Variants in ESRRG observed in about 807,000 individuals in gnomAD.
ESRRG encodes the protein estrogen related receptor gamma.
ESRRG carries 13 observed loss-of-function variants against 44.0 expected under a neutral mutation model. The observed-to-expected ratio is 0.30, with a 90% CI of 0.19 to 0.47. The LOEUF (loss-of-function observed/expected upper bound fraction) is 0.47. Ranked by LOEUF, ESRRG falls within the 20% of genes least tolerant of loss-of-function variation. ESRRG has a pLI of 1.00. For synonymous variants in ESRRG, 215 were observed against 214.6 expected (o/e 1.00, Z -0.02); for missense variants, 395 against 580.6 (o/e 0.68, Z 3.29).
intron 1 of ESRRG, among the ~76,000 whole-genome samples, chr1:217,002,615 C>T (rs549852195): frequency 1.3e-5 from 2 of 152,148 alleles, no homozygotes; most frequent in South Asian, 2.1e-4. Flanking sequence ...ATGACCAATA[C>T]AATATGGCAG....
chr1:216,655,945 T>TA (rs2070405159), intron 2 of ESRRG, among the ~76,000 whole-genome samples: 1 of 152,280 alleles, frequency 6.6e-6, no homozygotes, highest in Admixed American at 6.5e-5. Flanking sequence ...CATTTTATCC[T>TA]AAAAATGTGC....
At chr1:216,912,187 AGAGGAGAGGAGAGGAGAGGAGAGGAGAGG>A (rs1560083533) in intron 2 of ESRRG, among the ~76,000 whole-genome samples, 206 of 9,320 alleles carry the variant, frequency 0.022, 14 homozygotes, top group Middle Eastern at 0.091. Context: ...AAAGAAAAGG[AGAGGAGAGGAGAGGAGAGGAGAGGAGAGG>A]AGAGGAGAGG....
chr1:216,514,710 C>T (rs911268798), intron 6 of ESRRG, among the ~76,000 whole-genome samples: 1 of 152,112 alleles, frequency 6.6e-6, no homozygotes, highest in African/African-American at 2.4e-5. Flanking sequence ...CCTTCTGCCT[C>T]ATAATAGCCA....
intron 3 of ESRRG, among the ~76,000 whole-genome samples, chr1:216,623,888 A>G (rs1327490654): frequency 6.6e-6 from 1 of 152,170 alleles, no homozygotes; most frequent in Admixed American, 6.5e-5. Context: ...GTCTACACCG[A>G]GAGCAGATAT....
At chr1:216,552,016 A>G (rs946864867) in intron 5 of ESRRG, among the ~76,000 whole-genome samples, 1 of 152,118 alleles carries the variant, frequency 6.6e-6, no homozygotes, top group Non-Finnish European at 1.5e-5. Context: ...CTATAAATTA[A>G]TAGTCCTTCA....
chr1:216,736,975 A>G (rs1021112744), intron 2 of ESRRG, among the ~76,000 whole-genome samples: 2 of 152,148 alleles, frequency 1.3e-5, no homozygotes, highest in Non-Finnish European at 2.9e-5. Context: ...TTATTCATAT[A>G]TTCTCCACCC....
intron 1 of ESRRG, among the ~76,000 whole-genome samples, chr1:217,109,522 C>A (rs1177359135): frequency 6.6e-6 from 1 of 152,144 alleles, no homozygotes; most frequent in Non-Finnish European, 1.5e-5. Context: ...TCCGCAGATA[C>A]CATTAAAGGA....
chr1:216,854,666 T>G (rs139326287), intron 2 of ESRRG, among the ~76,000 whole-genome samples: 8 of 152,302 alleles, frequency 5.3e-5, no homozygotes, highest in South Asian at 2.1e-4. Context: ...TAACTACTTA[T>G]GGCTATACAA....
chr1:216,826,462 C>T (rs2095398060), intron 2 of ESRRG, among the ~76,000 whole-genome samples: 1 of 152,052 alleles, frequency 6.6e-6, no homozygotes, highest in South Asian at 2.1e-4. Context: ...ACTCAGAAGT[C>T]AAGATAGGTG....
At chr1:217,104,879 T>C (rs531093984) in intron 1 of ESRRG, among the ~76,000 whole-genome samples, 6 of 152,338 alleles carry the variant, frequency 3.9e-5, no homozygotes, top group African/African-American at 1.2e-4. Flanking sequence ...ACTCTCTTCC[T>C]TAGGGATGCA....
At chr1:216,855,810 C>T (rs1030365049) in intron 2 of ESRRG, among the ~76,000 whole-genome samples, 23 of 152,126 alleles carry the variant, frequency 1.5e-4, no homozygotes, top group African/African-American at 5.3e-4. Flanking sequence ...GACAGTTCCC[C>T]GCTTGAAAAT....
chr1:217,101,279 C>A (rs567830029), intron 1 of ESRRG, among the ~76,000 whole-genome samples: 3 of 152,302 alleles, frequency 2.0e-5, no homozygotes, highest in African/African-American at 7.2e-5. Context: ...TCGGTCTGTG[C>A]CTCAGTTTTC....
rs11572649 is a variant in ESRRG at position 216,749,501 on chromosome 1, C to T, written c.-13-72010G>A. Among the ~76,000 whole-genome samples the T allele has an allele frequency of 4.4e-3, 672 of 152,230 alleles. 4 individuals carry two copies. Among genetic ancestry groups the T allele is most frequent in the African/African-American group, 0.015 (632 of 41,546 alleles). ...GTTCTTCATAACCCCATGCAGGGAG[C>T]GCCCTGCTAGATTCCCTGTGCTGTG... On this transcript the variant is annotated intron_variant, in intron 2 of 7. Coordinates refer to the ESRRG transcript ENST00000359162.
chr1:216,857,276 C>A lies in ESRRG; in HGVS notation c.-14+82306G>T, dbSNP rs538747556. ...ATCTGCTAACCAGCACTGGGCATTG[C>A]TCAGTGCTTTTCTCTATTTCCCGAA... On this transcript the variant is annotated intron_variant, in intron 2 of 7. Coordinates refer to the ESRRG transcript ENST00000359162. Among the ~76,000 whole-genome samples, 143 of 151,846 alleles carry A rather than the reference C, an allele frequency of 9.4e-4. 1 individual carries two copies. The highest frequency in any genetic ancestry group is 1.6e-3 in the Non-Finnish European group (108 of 67,952).
At chr1:216,698,523 A>C (rs981987168) in intron 1 of ESRRG, among the ~76,000 whole-genome samples, 1 of 151,264 alleles carries the variant, frequency 6.6e-6, no homozygotes, top group African/African-American at 2.4e-5. Context: ...AGTCTCAAAA[A>C]AAAAAAAAAA....
At chr1:216,763,070 G>A (rs75993865) in intron 2 of ESRRG, among the ~76,000 whole-genome samples, 3,036 of 152,136 alleles carry the variant, frequency 0.02, 53 homozygotes, top group Non-Finnish European at 0.031. Context: ...AAAAAAATGG[G>A]TTAGTGCAGG....
chr1:216,512,168 A>T (rs2042907296), intron 6 of ESRRG, among the ~76,000 whole-genome samples: 1 of 152,222 alleles, frequency 6.6e-6, no homozygotes, highest in Non-Finnish European at 1.5e-5. Flanking sequence ...TGCTAACATC[A>T]CAAAAAGAGA....
intron 2 of ESRRG, among the ~76,000 whole-genome samples, chr1:216,828,172 G>A (rs1343531346): frequency 2.0e-5 from 3 of 152,144 alleles, no homozygotes; most frequent in Non-Finnish European, 2.9e-5. Flanking sequence ...AGGAGAGCCT[G>A]GGATCTTCGT....
intron 2 of ESRRG, among the ~76,000 whole-genome samples, chr1:216,861,020 C>T (rs2813684): frequency 0.78 from 118,368 of 151,940 alleles, 46,949 homozygotes; most frequent in African/African-American, 0.93. Flanking sequence ...TGAAGAGGTA[C>T]AGTATCAGTT....
Sources: gnomAD v4.1 joint callset for allele counts (sites outside exome capture counted in the v4.1 genomes callset) on GRCh38, gnomAD v4.1.1 for gene constraint, MANE v1.5 for transcripts, NCBI Gene and HGNC (gene_info 2026-07-23, HGNC 2026-07-21) for gene names.